The following CCDC14 variants were observed in gnomAD, a reference collection of about 807,000 sequenced individuals.
The protein encoded by CCDC14 is coiled-coil domain containing 14, also known as coiled-coil domain-containing protein 14.
A neutral mutation model predicts 81.4 loss-of-function variants in CCDC14; 71 were observed. The observed-to-expected ratio is 0.87, with a 90% CI of 0.72 to 1.06. The LOEUF is 1.06. CCDC14 is among the 50% of genes least tolerant of loss of function. CCDC14 has a pLI of 0.00. For missense variants in CCDC14, 1,046 were observed against 1,047.3 expected (o/e 1.00, Z 0.02); for synonymous variants, 332 against 364.8 (o/e 0.91, Z 1.03).
chr3:123,934,481 G>A (rs2148871357), intron 9 of CCDC14, among the ~76,000 whole-genome samples: 1 of 151,972 alleles, frequency 6.6e-6, no homozygotes, highest in East Asian at 1.9e-4. Flanking sequence ...ATACCTACAA[G>A]CACTGACTGC....
chr3:123,891,394 T>C, the CCDC14 span, among the ~76,000 whole-genome samples: 1 of 152,246 alleles, frequency 6.6e-6, no homozygotes, highest in Non-Finnish European at 1.5e-5. Context: ...ACTTTTATGC[T>C]CTGCCTCCCT....
At position 123,932,063 on chromosome 3, in the gene CCDC14, T is replaced by C. The variant is rs16834904; in HGVS notation, c.1427-537A>G. 0.022 allele frequency among the ~76,000 whole-genome samples: 3,340 copies of C among 152,330 alleles called. 359 individuals are homozygous for C. In the East Asian group the frequency reaches 0.35, roughly 16 times the overall value. The stretch of plus-strand genomic sequence containing the variant: ...GTTCTTTTTCATGGCGATAAAAGTA[T>C]ATGGCACCATTTGTTGAGCAAATAC... On this transcript the variant is annotated intron_variant, in intron 10 of 12. Coordinates refer to ENST00000409697, the MANE Select transcript of CCDC14 (RefSeq NM_001366335.1).
chr3:123,886,665 G>C, the CCDC14 span, among the ~76,000 whole-genome samples: 2 of 151,994 alleles, frequency 1.3e-5, no homozygotes, highest in Non-Finnish European at 2.9e-5. Context: ...CAAAGTGCTG[G>C]GATTACAGGC....
intron 7 of CCDC14, 60 bp downstream of exon 7, chr3:123,948,631 C>T (rs1559799902): frequency 8.4e-7 from 1 of 1,184,878 alleles, no homozygotes; most frequent in East Asian, 2.5e-5. Flanking sequence ...ATTCAACAGT[C>T]CCTCCTGAAT....
In CCDC14 at chr3:123,933,552, T is replaced by C. The variant is rs75604127; in HGVS notation, c.1426+121A>G. On this transcript the variant is annotated intron_variant, in intron 10 of 12. Coordinates refer to ENST00000409697, the MANE Select transcript of CCDC14 (RefSeq NM_001366335.1). Reference sequence around the variant, plus strand: ...ATTGGGAAGTGACAGCATCTTTTATTTTCTTATGTTTCTACAATATTTTAA... The same window carrying C: ...ATTGGGAAGTGACAGCATCTTTTATCTTCTTATGTTTCTACAATATTTTAA... 0.015 allele frequency: 10,210 copies of C among 674,544 alleles called. 604 individuals are homozygous for C. The East Asian group carries it at 0.17, about 11-fold the overall frequency. The allele number at this position is 674,544 out of a possible 1,614,324, so 41.8% of individuals were successfully genotyped here.
rs1431217823 is a variant in CCDC14, at chr3:123,961,167, T to G, written c.7A>C (p.Arg3=). The G allele has an allele frequency of 1.3e-6, 2 of 1,551,472 alleles. No homozygotes were observed. Among genetic ancestry groups the G allele is most frequent in the African/African-American group, 2.7e-5 (2 of 73,042 alleles). ...ACCTGGCCCGGTCGAGCTCCAGACC[T>G]GACCATCTCTCGCCGCCTCAGAGAA... MV[R]SGARPGQVLS... The change falls in exon 1 of 13, where the codon AGG becomes CGG. Residue 3 remains arginine (R), a synonymous_variant. Coordinates refer to ENST00000409697, the MANE Select transcript of CCDC14 (RefSeq NM_001366335.1).
chr3:123,923,219 A>G (rs1050968954), intron 12 of CCDC14, among the ~76,000 whole-genome samples: 7 of 152,122 alleles, frequency 4.6e-5, no homozygotes, highest in African/African-American at 1.7e-4. Context: ...TGCACTTGAT[A>G]CATTTCAACA....
chr3:123,928,459 T>A (rs975551658), intron 12 of CCDC14, among the ~76,000 whole-genome samples: 3 of 151,350 alleles, frequency 2.0e-5, no homozygotes, highest in African/African-American at 7.3e-5. Flanking sequence ...TGAGCCAAGA[T>A]AGCGCCACTG....
chr3:123,954,687 T>G lies in CCDC14; in HGVS notation c.352+1156A>C, dbSNP rs1039243169. ...GATGCTAAATTCTCATCAGAAATACTTGGTCTATATTTAGATTTAATAAAA... is the reference window on the plus strand; with the variant it reads ...GATGCTAAATTCTCATCAGAAATACGTGGTCTATATTTAGATTTAATAAAA... On this transcript the variant is annotated intron_variant, in intron 5 of 12. Coordinates refer to ENST00000409697, the MANE Select transcript of CCDC14 (RefSeq NM_001366335.1). The G allele has an allele frequency of 4.6e-5, 7 of 152,156 alleles. No homozygotes were observed. The East Asian group carries it at 1.3e-3, about 29-fold the overall frequency. The allele number at this position is 152,156 out of a possible 1,614,324, so 9.4% of individuals were successfully genotyped here. A position where few individuals can be genotyped will look rare whatever the true frequency, so the allele number is the denominator to read the frequency against.
chr3:123,928,774 T>C (rs1010197380), intron 12 of CCDC14, among the ~76,000 whole-genome samples: 15 of 152,210 alleles, frequency 9.9e-5, no homozygotes, highest in Admixed American at 8.5e-4. Context: ...GTTGTCACCA[T>C]GGCTAAAGCC....
At chr3:123,920,942 A>C (rs1451265395) in intron 12 of CCDC14, among the ~76,000 whole-genome samples, 1 of 152,234 alleles carries the variant, frequency 6.6e-6, no homozygotes, top group Non-Finnish European at 1.5e-5. Flanking sequence ...AGAGGGGAGT[A>C]AAAGTGTAGT....
chr3:123,903,666 G>C (rs1309511974), intron 5 of CCDC14, among the ~76,000 whole-genome samples: 1 of 152,146 alleles, frequency 6.6e-6, no homozygotes, highest in East Asian at 1.9e-4. Flanking sequence ...CCCCTTTCTT[G>C]TGTGTCTTTT....
intron 9 of CCDC14, among the ~76,000 whole-genome samples, chr3:123,934,142 G>A (rs1381398578): frequency 2.0e-5 from 3 of 151,752 alleles, no homozygotes; most frequent in Admixed American, 6.6e-5. Context: ...GCGTAGTGGC[G>A]CGTGCCTGTA....
At chr3:123,955,258 G>C (rs1331430113) in intron 5 of CCDC14, 1 of 151,948 alleles carries the variant, frequency 6.6e-6, no homozygotes, top group Non-Finnish European at 1.5e-5. Flanking sequence ...GGGCTATCTT[G>C]TTTTCTAGGC....
At chr3:123,952,645 T>C (rs2037084205) in intron 5 of CCDC14, 1 of 527,074 alleles carries the variant, frequency 1.9e-6, no homozygotes, top group South Asian at 1.4e-5. Context: ...GATCATATCA[T>C]CCCAGATAGA....
chr3:123,941,352 C>T (rs1394309959), intron 9 of CCDC14, among the ~76,000 whole-genome samples: 2 of 151,510 alleles, frequency 1.3e-5, no homozygotes, highest in Non-Finnish European at 2.9e-5. Flanking sequence ...TTTTAAGCCA[C>T]AAGATGGCAA....
At chr3:123,903,970 C>T (rs890309797) in intron 5 of CCDC14, among the ~76,000 whole-genome samples, 4 of 152,182 alleles carry the variant, frequency 2.6e-5, no homozygotes, top group African/African-American at 9.7e-5. Context: ...GAGGCCCAGC[C>T]TAGAGCCTGC....
intron 9 of CCDC14, among the ~76,000 whole-genome samples, chr3:123,934,512 G>C (rs961311823): frequency 6.6e-6 from 1 of 151,998 alleles, no homozygotes; most frequent in Admixed American, 6.6e-5. Context: ...CTATCTGCCT[G>C]ATGTTTGTCA....
chr3:123,916,490 G>A (rs1270838842), intron 12 of CCDC14, among the ~76,000 whole-genome samples: 1 of 151,776 alleles, frequency 6.6e-6, no homozygotes, highest in Non-Finnish European at 1.5e-5. Flanking sequence ...GTGTGTGTGT[G>A]TGTGTGTGTG....
Sources: allele counts gnomAD v4.1 joint callset (sites outside exome capture counted in the v4.1 genomes callset), GRCh38; gene constraint gnomAD v4.1.1; transcripts MANE v1.5; gene names NCBI Gene and HGNC (gene_info 2026-07-23, HGNC 2026-07-21).